The following FSHR variants were observed in gnomAD, a reference collection of about 807,000 sequenced individuals.
FSHR encodes the protein follicle stimulating hormone receptor.
Under a neutral mutation model 52.1 loss-of-function variants are expected in FSHR, and 46 were observed. That is an observed-to-expected ratio of 0.88 (90% CI 0.70 to 1.13). FSHR has a LOEUF of 1.13. Among genes scored for constraint, FSHR ranks in the 50% most tolerant of loss-of-function variants. The pLI is 0.00. For synonymous variants in FSHR, 399 were observed against 309.6 expected, an observed-to-expected ratio of 1.29 and a Z score of -3.03; for missense variants, 964 against 834.6, an observed-to-expected ratio of 1.16 and a Z score of -1.91.
At chr2:49,030,853 G>A (rs1052114279) in intron 2 of FSHR, among the ~76,000 whole-genome samples, 8 of 152,066 alleles carry the variant, frequency 5.3e-5, no homozygotes, top group Admixed American at 6.5e-5. Flanking sequence ...GTCTCCTATT[G>A]GTCCTGAGAC....
At chr2:49,133,013 T>C (rs1370659144) in intron 1 of FSHR, among the ~76,000 whole-genome samples, 3 of 144,164 alleles carry the variant, frequency 2.1e-5, no homozygotes, top group South Asian at 4.4e-4. Flanking sequence ...TTGTGGTATT[T>C]GAACCAAGAC....
intron 2 of FSHR, among the ~76,000 whole-genome samples, chr2:49,051,133 C>T (rs1483784737): frequency 6.6e-6 from 1 of 151,994 alleles, no homozygotes; most frequent in Admixed American, 6.6e-5. Context: ...TACCCATTGG[C>T]CTGCTGATGG....
chr2:49,133,321 C>A (rs1672363178), intron 1 of FSHR, among the ~76,000 whole-genome samples: 1 of 152,144 alleles, frequency 6.6e-6, no homozygotes, highest in African/African-American at 2.4e-5. Context: ...GCTCTTGTCC[C>A]AGTTCATGAG....
At chr2:49,051,913 A>G (rs987342389) in intron 2 of FSHR, among the ~76,000 whole-genome samples, 1 of 152,164 alleles carries the variant, frequency 6.6e-6, no homozygotes, top group East Asian at 1.9e-4. Flanking sequence ...CAATATGGAT[A>G]CAAAGTTGAT....
intron 2 of FSHR, among the ~76,000 whole-genome samples, chr2:49,066,895 C>G (rs553326137): frequency 6.6e-6 from 1 of 152,044 alleles, no homozygotes; most frequent in African/African-American, 2.4e-5. Context: ...TAGCTCCAGG[C>G]AAGGGAATCG....
intron 1 of FSHR, among the ~76,000 whole-genome samples, chr2:49,110,708 A>G (rs1671393711): frequency 6.6e-6 from 1 of 152,104 alleles, no homozygotes; most frequent in Non-Finnish European, 1.5e-5. Flanking sequence ...CTCTTGTCAG[A>G]CTCAGCAAGC....
chr2:49,116,091 T>A lies in FSHR; in HGVS notation c.152+38175A>T, dbSNP rs1671588268. Reference sequence around the variant, plus strand: ...GTAAGCAAGATCTTGGCATTTTTTTTAGTAATTGTAGCAGAGTCATCATGG... The same window carrying A: ...GTAAGCAAGATCTTGGCATTTTTTTAAGTAATTGTAGCAGAGTCATCATGG... On this transcript the variant is annotated intron_variant, in intron 1 of 9. Coordinates refer to ENST00000406846, the MANE Select transcript of FSHR (RefSeq NM_000145.4). Among the ~76,000 whole-genome samples, 2 of 152,080 alleles carry A rather than the reference T, an allele frequency of 1.3e-5. 1 individual carries two copies. Among genetic ancestry groups the A allele is most frequent in the Admixed American group, 1.3e-4 (2 of 15,258 alleles).
At chr2:48,980,706 A>G (rs1304509719) in intron 8 of FSHR, among the ~76,000 whole-genome samples, 1 of 152,164 alleles carries the variant, frequency 6.6e-6, no homozygotes, top group Non-Finnish European at 1.5e-5. Context: ...GCAACATGGT[A>G]TGGTGGGAAT....
intron 2 of FSHR, among the ~76,000 whole-genome samples, chr2:49,038,506 T>G: frequency 6.6e-6 from 1 of 151,268 alleles, no homozygotes; most frequent in Non-Finnish European, 1.5e-5. Flanking sequence ...GCACCTGTAG[T>G]CCCAGCTACT....
chr2:49,090,699 C>T (rs1448302119), intron 1 of FSHR, among the ~76,000 whole-genome samples: 1 of 152,106 alleles, frequency 6.6e-6, no homozygotes, highest in Non-Finnish European at 1.5e-5. Flanking sequence ...AGTTGTTTTC[C>T]AGAGCAGCTG....
intron 2 of FSHR, among the ~76,000 whole-genome samples, chr2:49,028,514 G>A (rs556179396): frequency 1.3e-4 from 20 of 152,306 alleles, no homozygotes; most frequent in Non-Finnish European, 2.6e-4. Context: ...TAGGGTTTTT[G>A]TGAGAATATT....
chr2:49,118,669 T>C (rs887624074), intron 1 of FSHR, among the ~76,000 whole-genome samples: 5 of 152,192 alleles, frequency 3.3e-5, no homozygotes, highest in Admixed American at 3.3e-4. Flanking sequence ...AATGTGATAC[T>C]AGATTTGACT....
intron 2 of FSHR, among the ~76,000 whole-genome samples, chr2:49,041,697 C>T (rs557871345): frequency 2.5e-4 from 38 of 152,116 alleles, no homozygotes; most frequent in Middle Eastern, 6.8e-3. Flanking sequence ...GCATTATTTC[C>T]TTGAGATTAT....
chr2:49,041,933 G>A (rs979924149), intron 2 of FSHR, among the ~76,000 whole-genome samples: 1 of 152,172 alleles, frequency 6.6e-6, no homozygotes, highest in Non-Finnish European at 1.5e-5. Flanking sequence ...GATTGCTTGA[G>A]CCTAGGAGTT....
chr2:48,976,617 T>C (rs1380432974), intron 8 of FSHR, among the ~76,000 whole-genome samples: 1 of 152,154 alleles, frequency 6.6e-6, no homozygotes, highest in Non-Finnish European at 1.5e-5. Context: ...GGTCCTGGGC[T>C]TTTTTTGGTT....
At chr2:49,129,645 G>T (rs1010790014) in intron 1 of FSHR, among the ~76,000 whole-genome samples, 1 of 152,102 alleles carries the variant, frequency 6.6e-6, no homozygotes, top group Non-Finnish European at 1.5e-5. Flanking sequence ...CTGACTGGGG[G>T]CTCCAAATCT....
intron 1 of FSHR, among the ~76,000 whole-genome samples, chr2:49,091,650 A>G (rs899113112): frequency 2.6e-5 from 4 of 152,192 alleles, no homozygotes; most frequent in Admixed American, 2.0e-4. Flanking sequence ...TAAAAATACT[A>G]TCCTTTTGCT....
intron 4 of FSHR, chr2:48,997,089 C>T (rs936150492): frequency 2.3e-5 from 5 of 221,680 alleles, no homozygotes; most frequent in Admixed American, 2.0e-4. Context: ...TGTAAGAAGG[C>T]GTATGAAAAA....
intron 4 of FSHR, among the ~76,000 whole-genome samples, chr2:49,011,274 A>T (rs1667261128): frequency 6.6e-6 from 1 of 151,802 alleles, no homozygotes; most frequent in South Asian, 2.1e-4. Flanking sequence ...TTCTGCCTTC[A>T]TTTCATTATG....
Sources: allele counts gnomAD v4.1 joint callset (sites outside exome capture counted in the v4.1 genomes callset), GRCh38; gene constraint gnomAD v4.1.1; transcripts MANE v1.5; gene names NCBI Gene and HGNC (gene_info 2026-07-23, HGNC 2026-07-21).